Variants in NDFIP2 observed in about 807,000 individuals in gnomAD.
NDFIP2 encodes the protein NEDD4 family-interacting protein 2.
A neutral mutation model predicts 36.0 loss-of-function variants in NDFIP2; 19 were observed. The observed-to-expected ratio is 0.53, with a 90% CI of 0.37 to 0.77. The LOEUF (loss-of-function observed/expected upper bound fraction) is 0.77. Among genes scored for constraint, NDFIP2 ranks in the 30% least tolerant of loss-of-function variants. The pLI is 0.00. For synonymous variants in NDFIP2, 181 were observed against 167.7 expected (o/e 1.08, Z -0.61); for missense variants, 446 against 435.8 (o/e 1.02, Z -0.21).
chr13:79,529,045 A>G (rs1249819264), intron 2 of NDFIP2, among the ~76,000 whole-genome samples: 1 of 152,198 alleles, frequency 6.6e-6, no homozygotes, highest in Non-Finnish European at 1.5e-5. Flanking sequence ...TTCACAGTTT[A>G]CAGAGTCCTC....
At chr13:79,542,410 G>A (rs1255387283) in intron 4 of NDFIP2, among the ~76,000 whole-genome samples, 1 of 152,100 alleles carries the variant, frequency 6.6e-6, no homozygotes, top group African/African-American at 2.4e-5. Flanking sequence ...CAAAGTGGCT[G>A]TACTATTTTG....
chr13:79,522,323 A>G (rs768157824), intron 2 of NDFIP2, among the ~76,000 whole-genome samples: 10 of 152,236 alleles, frequency 6.6e-5, no homozygotes, highest in Non-Finnish European at 1.2e-4. Context: ...ATATAATAAT[A>G]AGACTTTGCT....
intron 3 of NDFIP2, among the ~76,000 whole-genome samples, chr13:79,534,350 GTTTTT>G (rs532659161): frequency 6.3e-5 from 6 of 95,406 alleles, no homozygotes; most frequent in African/African-American, 2.0e-4. Context: ...TTTGTCAGCT[GTTTTT>G]TTTTTTTTTT....
At chr13:79,519,998 AC>A (rs139379264) in intron 1 of NDFIP2, among the ~76,000 whole-genome samples, 14,939 of 152,148 alleles carry the variant, frequency 0.098, 922 homozygotes, top group Middle Eastern at 0.26. Flanking sequence ...ATAGGGCTTC[AC>A]CATGTTGGCC....
intron 2 of NDFIP2, among the ~76,000 whole-genome samples, chr13:79,525,080 A>G (rs527648814): frequency 2.6e-5 from 4 of 152,242 alleles, no homozygotes; most frequent in African/African-American, 9.6e-5. Context: ...GTAATTTTAT[A>G]TTTTTTAGTC....
intron 1 of NDFIP2, among the ~76,000 whole-genome samples, chr13:79,507,274 T>G (rs77790441): frequency 0.021 from 377 of 17,940 alleles, 26 homozygotes; most frequent in Middle Eastern, 0.14. Context: ...TGAGTTTTTT[T>G]TTTTTTTTTT....
At chr13:79,519,105 T>C (rs1177175490) in intron 1 of NDFIP2, 1 of 152,146 alleles carries the variant, frequency 6.6e-6, no homozygotes, top group East Asian at 1.9e-4. Flanking sequence ...CTGTGCCCAG[T>C]CCAACATGCT....
rs1055783277 is a variant in NDFIP2 at position 79,525,451 on chromosome 13, T to C, written c.487+4476T>C. Among the ~76,000 whole-genome samples, 6 of 152,320 alleles carry C rather than the reference T, an allele frequency of 3.9e-5. No individual in the cohort carries two copies. The South Asian group carries it at 1.0e-3, about 26-fold the overall frequency. ...TTTTTCTTTATTAAGGCAAGAACTTTCACTTTTTCACTTACAGGTAGCGCT... is the reference window on the plus strand; with the variant it reads ...TTTTTCTTTATTAAGGCAAGAACTTCCACTTTTTCACTTACAGGTAGCGCT... On this transcript the variant is annotated intron_variant, in intron 2 of 7. Transcript: ENST00000218652.
chr13:79,554,061 GATAA>G lies in NDFIP2; in HGVS notation c.*1554_*1557del, dbSNP rs1351391746. 5 of 151,184 alleles carry G rather than the reference GATAA, an allele frequency of 3.3e-5. No homozygotes were observed. Among genetic ancestry groups the G allele is most frequent in the Admixed American group, 3.3e-4 (5 of 15,136 alleles). 9.4% of individuals were successfully genotyped at this position (151,184 alleles called of 1,614,324 possible). ...ATTTTCTAATTTTTTCATTGTCTTT[GATAA>G]ATAAAACAGTTTTGTTTTGCTAATA... On this transcript the variant is annotated 3_prime_UTR_variant, in exon 8 of 8. Transcript: ENST00000218652.
In NDFIP2 at chr13:79,530,956, G is replaced by T. The variant is rs566810453; in HGVS notation, c.488-2367G>T. ...CATCTAGAATAGTGAATCCTTTCCA[G>T]AAGCTTTTCAGTTTACTTTGTCCAG... On this transcript the variant is annotated intron_variant, in intron 2 of 7. Transcript: ENST00000218652. 3.9e-5 allele frequency among the ~76,000 whole-genome samples: 6 copies of T among 152,270 alleles called. 1 individual carries two copies. In the South Asian group the frequency reaches 8.3e-4, roughly 21 times the overall value.
intron 1 of NDFIP2, among the ~76,000 whole-genome samples, chr13:79,507,769 C>A (rs974492426): frequency 6.6e-6 from 1 of 151,466 alleles, no homozygotes; most frequent in African/African-American, 2.4e-5. Flanking sequence ...AAAGATAGTT[C>A]TATATCCACC....
At chr13:79,504,295 A>C (rs949482299) in intron 1 of NDFIP2, among the ~76,000 whole-genome samples, 12 of 152,190 alleles carry the variant, frequency 7.9e-5, no homozygotes. Flanking sequence ...CAGTTTCCCC[A>C]AATAATATTT....
intron 1 of NDFIP2, among the ~76,000 whole-genome samples, chr13:79,492,780 CATACTTTGGCCATGTTTTAAACT>C (rs1438424057): frequency 6.6e-6 from 1 of 152,168 alleles, no homozygotes; most frequent in Non-Finnish European, 1.5e-5. Context: ...TACTGCATTG[CATACTTTGGCCATGTTTTAAACT>C]ATAATGCTTT....
Position 79,551,083 on chromosome 13 carries a change from C to T in NDFIP2, c.974C>T (p.Ala325Val). 6.2e-7 allele frequency: 1 copy of T among 1,603,622 alleles called. No homozygotes were observed. Residue 325 changes from alanine to valine, a missense_variant, in exon 7 of 8, where the codon GCA becomes GTA. Around this residue, in one of 2 missense-constraint regions of NDFIP2, gnomAD observed 77 missense variants for 131.0 expected, o/e 0.59. Coordinates refer to ENST00000218652, the MANE Select transcript of NDFIP2 (RefSeq NM_019080.3). ...GTCAGAAACATGTCTGAAAGTATGG[C>T]AGCTGCTCATAGAACAAGGTATTTC... ...LKVRNMSESM[A>V]AAHRTRYFFL...
intron 6 of NDFIP2, among the ~76,000 whole-genome samples, chr13:79,550,656 T>G (rs370922077): frequency 6.6e-6 from 1 of 151,532 alleles, no homozygotes. Flanking sequence ...GTAGTTATAT[T>G]AATTGAAAAG....
chr13:79,529,592 T>C (rs1874931611), intron 2 of NDFIP2, among the ~76,000 whole-genome samples: 1 of 152,210 alleles, frequency 6.6e-6, no homozygotes, highest in Non-Finnish European at 1.5e-5. Flanking sequence ...AGAATTTGAC[T>C]CTTGTCTCTT....
At chr13:79,539,182 CT>C (rs1475748572) in intron 3 of NDFIP2, among the ~76,000 whole-genome samples, 2 of 152,086 alleles carry the variant, frequency 1.3e-5, no homozygotes, top group Non-Finnish European at 2.9e-5. Context: ...AATGAATTAT[CT>C]TTAATACATC....
chr13:79,491,220 T>G (rs1873214160), intron 1 of NDFIP2, among the ~76,000 whole-genome samples: 1 of 152,212 alleles, frequency 6.6e-6, no homozygotes, highest in African/African-American at 2.4e-5. Flanking sequence ...TGGTAGACTT[T>G]CAGTATTTGA....
intron 1 of NDFIP2, among the ~76,000 whole-genome samples, chr13:79,516,569 G>C (rs1168532303): frequency 6.6e-6 from 1 of 152,044 alleles, no homozygotes; most frequent in Non-Finnish European, 1.5e-5. Flanking sequence ...TCTTATTCCT[G>C]GATCTGCCCT....
Sources: allele counts gnomAD v4.1 joint callset (sites outside exome capture counted in the v4.1 genomes callset), GRCh38; gene constraint gnomAD v4.1.1; regional missense constraint gnomAD v4.1.1; transcripts MANE v1.5; gene names NCBI Gene and HGNC (gene_info 2026-07-23, HGNC 2026-07-21).